The following ARHGAP39 variants were observed in gnomAD, a reference collection of about 807,000 sequenced individuals.
ARHGAP39 encodes rho GTPase-activating protein 39.
A neutral mutation model predicts 106.9 loss-of-function variants in ARHGAP39; 44 were observed. The observed-to-expected ratio is 0.41, with a 90% CI of 0.32 to 0.53. The LOEUF (loss-of-function observed/expected upper bound fraction) is 0.53, where lower values mean the gene tolerates loss of function less well. Among genes scored for constraint, ARHGAP39 ranks in the 20% least tolerant of loss-of-function variants. The probability of loss-of-function intolerance (pLI) is 0.21; values close to 1 mark genes in which losing one functional copy is unlikely to be tolerated. For missense variants in ARHGAP39, 1,496 were observed against 1,577.3 expected (o/e 0.95, Z 0.87); for synonymous variants, 768 against 693.2 (o/e 1.11, Z -1.69).
intron 2 of ARHGAP39, among the ~76,000 whole-genome samples, chr8:144,590,646 G>A (rs565568486): frequency 3.3e-5 from 5 of 152,274 alleles, no homozygotes; most frequent in African/African-American, 9.6e-5. Flanking sequence ...GGCCTGACAC[G>A]AGTGACTGCA....
chr8:144,633,261 A>G (rs892641759), intron 1 of ARHGAP39, among the ~76,000 whole-genome samples: 1 of 152,156 alleles, frequency 6.6e-6, no homozygotes, highest in African/African-American at 2.4e-5. Context: ...GATTGGGACC[A>G]TCCTGGCCAA....
chr8:144,547,560 G>A lies in ARHGAP39; in HGVS notation c.1526C>T (p.Pro509Leu). 6.8e-7 allele frequency: 1 copy of A among 1,471,922 alleles called. No individual in the cohort carries two copies. Among genetic ancestry groups the A allele is most frequent in the Non-Finnish European group, 9.0e-7 (1 of 1,114,434 alleles). 91.2% of individuals were successfully genotyped at this position (1,471,922 alleles called of 1,614,324 possible). A position where few individuals can be genotyped will look rare whatever the true frequency, so the allele number is the denominator to read the frequency against. Residue 509 changes from proline to leucine, a missense_variant, in exon 5 of 12, where the codon CCC becomes CTC. Physicochemically the swap from Pro to Leu is moderately conservative, Grantham distance 98 (BLOSUM62 -3). Around this residue, in one of 4 missense-constraint regions of ARHGAP39, gnomAD observed 905 missense variants for 816.4 expected, o/e 1.11. Coordinates refer to ENST00000377307, the MANE Select transcript of ARHGAP39 (RefSeq NM_025251.3). The surrounding 1 kb of genome is among the most constrained non-coding windows in gnomAD (Gnocchi z 5.2). ...PSLCQATSAT[P>L]TEGPGDLLVE... Reference sequence around the variant, plus strand: ...AAGCAGGTCCCCGGGGCCCTCAGTGGGGGTGGCGCTGGTGGCTTGGCACAA... The same window carrying A: ...AAGCAGGTCCCCGGGGCCCTCAGTGAGGGTGGCGCTGGTGGCTTGGCACAA...
At position 144,547,111 on chromosome 8, in the gene ARHGAP39, C is replaced by A. The variant is rs770071226; in HGVS notation, c.1959+16G>T. On this transcript the variant is annotated intron_variant, in intron 5 of 11. Transcript: ENST00000377307. This position sits in a 1 kb window ranked among gnomAD's most constrained non-coding sequence, Gnocchi z 5.2. Reference sequence around the variant, plus strand: ...CCCCAGGCTCTCAAGCTCAGCCGCGCCCATTGGGCCCTCACCTGTGAGGGG... The same window carrying A: ...CCCCAGGCTCTCAAGCTCAGCCGCGACCATTGGGCCCTCACCTGTGAGGGG... The A allele has an allele frequency of 6.4e-7, 1 of 1,561,430 alleles. No individual in the cohort carries two copies. The highest frequency in any genetic ancestry group is 8.7e-7 in the Non-Finnish European group (1 of 1,153,740).
At chr8:144,699,073 C>T in the ARHGAP39 span, 21 of 329,262 alleles carry the variant, frequency 6.4e-5, no homozygotes, top group South Asian at 4.5e-4. Flanking sequence ...TGGGACACAC[C>T]TCTTGTCTCT....
chr8:144,672,330 G>A (rs1207884210), intron 1 of ARHGAP39, among the ~76,000 whole-genome samples: 19 of 152,166 alleles, frequency 1.2e-4, no homozygotes, highest in Non-Finnish European at 4.4e-5. Flanking sequence ...TGAAGGGACC[G>A]TAACAGAAAA....
chr8:144,698,741 G>A, the ARHGAP39 span: 3 of 448,654 alleles, frequency 6.7e-6, no homozygotes, highest in African/African-American at 4.0e-5. Flanking sequence ...CTGAGAGGAC[G>A]AAGGCCTTTT....
chr8:144,539,756 A>G (rs903942895), intron 6 of ARHGAP39, among the ~76,000 whole-genome samples: 1 of 152,192 alleles, frequency 6.6e-6, no homozygotes, highest in African/African-American at 2.4e-5. Context: ...TCTCTGTGGC[A>G]CTGACCCACT....
Position 144,545,656 on chromosome 8 carries a change from T to C in ARHGAP39, c.2114A>G (p.His705Arg). ...CTTCCGCCGGAAGAGGCCCTGCGTG[T>C]GCTTGTTGAAGTGCTTGGAGGCCCA... is the stretch of plus-strand genomic sequence containing the variant. Reference protein sequence around the residue: ...ENWASKHFNKHTQGLFRRKVS... With the variant: ...ENWASKHFNKRTQGLFRRKVS... Residue 705 changes from histidine to arginine, a missense_variant, in exon 6 of 12, where the codon CAC (histidine) becomes CGC (arginine). Physicochemically the swap from His to Arg is conservative, Grantham distance 29. This residue lies in a region of ARHGAP39 where 470 missense variants were observed against 605.1 expected (regional missense o/e 0.78). Coordinates refer to ENST00000377307, the MANE Select transcript of ARHGAP39 (RefSeq NM_025251.3). 4 of 1,613,600 alleles carry C rather than the reference T, an allele frequency of 2.5e-6. No homozygotes were observed. The highest frequency in any genetic ancestry group is 3.4e-6 in the Non-Finnish European group (4 of 1,180,026).
In ARHGAP39 at chr8:144,647,804, G is replaced by A. The variant is rs778254190; in HGVS notation, c.-82+37882C>T. On this transcript the variant is annotated intron_variant, in intron 1 of 11. Coordinates refer to ENST00000377307, the MANE Select transcript of ARHGAP39 (RefSeq NM_025251.3). This position sits in a 1 kb window ranked among gnomAD's most constrained non-coding sequence, Gnocchi z 4.8. ...GGGGACCCCAAGAGAGGGAACCAGA[G>A]GGAACAATGGAGAACAGTGTTTCCA... Among the ~76,000 whole-genome samples, 4 of 152,348 alleles carry A rather than the reference G, an allele frequency of 2.6e-5. No individual in the cohort carries two copies. In the East Asian group the frequency reaches 7.7e-4, roughly 29 times the overall value.
At chr8:144,642,039 A>T (rs1350254329) in intron 1 of ARHGAP39, among the ~76,000 whole-genome samples, 1 of 152,252 alleles carries the variant, frequency 6.6e-6, no homozygotes, top group Non-Finnish European at 1.5e-5. Flanking sequence ...GTGGTTTGTT[A>T]TGGCAGCAAT....
chr8:144,602,866 G>A (rs1478653512), intron 2 of ARHGAP39, among the ~76,000 whole-genome samples: 1 of 129,900 alleles, frequency 7.7e-6, no homozygotes, highest in Non-Finnish European at 1.6e-5. Flanking sequence ...TCGTGTACCT[G>A]TGTGCATGTG....
At chr8:144,556,666 G>C (rs2928371) in intron 3 of ARHGAP39, among the ~76,000 whole-genome samples, 2,154 of 66,170 alleles carry the variant, frequency 0.033, no homozygotes, top group African/African-American at 0.057. Flanking sequence ...AGAGGCAAAG[G>C]CTGAACCTTC....
chr8:144,530,229 G>A lies in ARHGAP39; in HGVS notation c.*193C>T. 4.8e-6 allele frequency: 3 copies of A among 628,774 alleles called. No homozygotes were observed. The highest frequency in any genetic ancestry group is 5.3e-6 in the Non-Finnish European group (2 of 376,428). The allele number at this position is 628,774 out of a possible 1,614,324, so 38.9% of individuals were successfully genotyped here. A position where few individuals can be genotyped will look rare whatever the true frequency, so the allele number is the denominator to read the frequency against. On this transcript the variant is annotated 3_prime_UTR_variant, in exon 12 of 12. Coordinates refer to ENST00000377307, the MANE Select transcript of ARHGAP39 (RefSeq NM_025251.3). The stretch of plus-strand genomic sequence containing the variant: ...GTGGGGGGCCAGAGGCGCCCTCCCC[G>A]CCGCTGCTGTGCCCTGGCTGCACCC...
chr8:144,544,996 T>C (rs1163585935), intron 6 of ARHGAP39, among the ~76,000 whole-genome samples: 1 of 152,222 alleles, frequency 6.6e-6, no homozygotes, highest in Non-Finnish European at 1.5e-5. Context: ...GCAGAGTGGA[T>C]GCGGCCATTG....
rs1188378531 is a variant in ARHGAP39 at position 144,605,607 on chromosome 8, T to C, written c.8A>G (p.Gln3Arg). Residue 3 changes from glutamine to arginine, a missense_variant, in exon 2 of 12, where the codon CAG (glutamine) becomes CGG (arginine). Physicochemically the swap from Gln to Arg is conservative, Grantham distance 43. Around this residue, in one of 4 missense-constraint regions of ARHGAP39, gnomAD observed 96 missense variants for 107.9 expected, o/e 0.89. Coordinates refer to ENST00000377307, the MANE Select transcript of ARHGAP39 (RefSeq NM_025251.3). The stretch of plus-strand genomic sequence containing the variant: ...GCTCCTGCACTCGTAGTCCTGCGTC[T>C]GGGACATCGCTGTTTGCTTCCGCGC... MSQTQDYECRSHN... is the reference protein window; with the variant it reads MSRTQDYECRSHN... 11 of 1,613,304 alleles carry C rather than the reference T, an allele frequency of 6.8e-6. 1 individual carries two copies. In the South Asian group the frequency reaches 8.8e-5, roughly 13 times the overall value.
At chr8:144,637,239 T>A (rs906807717) in intron 1 of ARHGAP39, among the ~76,000 whole-genome samples, 1 of 152,230 alleles carries the variant, frequency 6.6e-6, no homozygotes, top group Non-Finnish European at 1.5e-5. Flanking sequence ...AAATTTTTGC[T>A]CTATTTTCTG....
At chr8:144,583,383 C>T (rs555614903) in intron 2 of ARHGAP39, among the ~76,000 whole-genome samples, 1 of 152,246 alleles carries the variant, frequency 6.6e-6, no homozygotes, top group Non-Finnish European at 1.5e-5. Flanking sequence ...GGAAGTGGCG[C>T]ACGCATTGTG....
chr8:144,542,172 A>G (rs1817220242), intron 6 of ARHGAP39, among the ~76,000 whole-genome samples: 1 of 152,162 alleles, frequency 6.6e-6, no homozygotes, highest in African/African-American at 2.4e-5. Flanking sequence ...AGCAGGTGGG[A>G]GAGCTGGAGG....
intron 3 of ARHGAP39, among the ~76,000 whole-genome samples, chr8:144,560,124 A>G (rs1395681123): frequency 6.6e-6 from 1 of 152,262 alleles, no homozygotes; most frequent in East Asian, 1.9e-4. Flanking sequence ...AATGTTTTAA[A>G]ATCAGTTGTA....
Sources: allele counts gnomAD v4.1 joint callset (sites outside exome capture counted in the v4.1 genomes callset), GRCh38; gene constraint gnomAD v4.1.1; regional missense constraint gnomAD v4.1.1; non-coding constraint Gnocchi (gnomAD v3.1); transcripts MANE v1.5; gene names NCBI Gene and HGNC (gene_info 2026-07-23, HGNC 2026-07-21).